The following BAIAP2 variants were observed in gnomAD, a reference collection of about 807,000 sequenced individuals.
The protein encoded by BAIAP2 is BAR/IMD domain-containing adapter protein 2.
BAIAP2 carries 18 observed loss-of-function variants against 63.0 expected under a neutral mutation model. The observed-to-expected ratio is 0.29, with a 90% confidence interval of 0.20 to 0.42. BAIAP2 has a LOEUF of 0.42. BAIAP2 is among the 10% of genes least tolerant of loss of function. The probability of loss-of-function intolerance (pLI) is 1.00; values close to 1 mark genes in which losing one functional copy is unlikely to be tolerated. For synonymous variants in BAIAP2, 386 were observed against 307.6 expected (o/e 1.25, Z -2.67); for missense variants, 610 against 734.3 (o/e 0.83, Z 1.96).
At chr17:81,091,465 T>C (rs1368614978) in intron 6 of BAIAP2, among the ~76,000 whole-genome samples, 1 of 152,022 alleles carries the variant, frequency 6.6e-6, no homozygotes, top group Non-Finnish European at 1.5e-5. Context: ...AGAGTATAGT[T>C]CACGGTGCCC....
chr17:81,065,471 A>C (rs2051301044), intron 3 of BAIAP2, among the ~76,000 whole-genome samples: 1 of 152,140 alleles, frequency 6.6e-6, no homozygotes, highest in Non-Finnish European at 1.5e-5. Flanking sequence ...GCAGGTGCTC[A>C]CCATGCCGCT....
At chr17:81,067,047 C>T (rs930252081) in intron 3 of BAIAP2, among the ~76,000 whole-genome samples, 1 of 152,246 alleles carries the variant, frequency 6.6e-6, no homozygotes, top group Non-Finnish European at 1.5e-5. Flanking sequence ...TGGTCCCGGA[C>T]CTCCAGCACA....
chr17:81,047,483 GCACA>G (rs1172425519), intron 1 of BAIAP2, among the ~76,000 whole-genome samples: 2 of 152,238 alleles, frequency 1.3e-5, no homozygotes, highest in Non-Finnish European at 2.9e-5. Context: ...GACACATGTA[GCACA>G]CACACAGGTC....
chr17:81,051,655 G>A (rs568028333), intron 1 of BAIAP2, among the ~76,000 whole-genome samples: 1 of 152,206 alleles, frequency 6.6e-6, no homozygotes, highest in East Asian at 1.9e-4. Flanking sequence ...GCCTCCCAAA[G>A]CGTTGGGATT....
chr17:81,094,045 G>A (rs1460325996), intron 6 of BAIAP2, among the ~76,000 whole-genome samples: 1 of 151,926 alleles, frequency 6.6e-6, no homozygotes, highest in African/African-American at 2.4e-5. Context: ...GAGCCACGGA[G>A]CCCTCTCAGG....
intron 3 of BAIAP2, among the ~76,000 whole-genome samples, chr17:81,068,539 C>T (rs563652741): frequency 6.6e-5 from 10 of 152,334 alleles, no homozygotes; most frequent in South Asian, 6.2e-4. Flanking sequence ...TCCCTGACCC[C>T]AGGATCAGTG....
rs150871577 is a variant in BAIAP2, at chr17:81,116,778, T to C, written c.*939T>C. Reference sequence around the variant, plus strand: ...TTAGGTGAAATACAGTGTGGTGAGCTGCACTGGTGACAACAGCCCTTACCT... The same window carrying C: ...TTAGGTGAAATACAGTGTGGTGAGCCGCACTGGTGACAACAGCCCTTACCT... On this transcript the variant is annotated 3_prime_UTR_variant, in exon 14 of 14. Transcript: ENST00000428708. 8 of 168,612 alleles carry C rather than the reference T, an allele frequency of 4.7e-5. No homozygotes were observed. Among genetic ancestry groups the C allele is most frequent in the Admixed American group, 1.1e-4 (2 of 17,816 alleles). The allele number at this position is 168,612 out of a possible 1,614,324, so 10.4% of individuals were successfully genotyped here. A position where few individuals can be genotyped will look rare whatever the true frequency, so the allele number is the denominator to read the frequency against.
intron 3 of BAIAP2, among the ~76,000 whole-genome samples, chr17:81,079,550 A>T (rs183417259): frequency 2.6e-5 from 4 of 151,466 alleles, no homozygotes; most frequent in African/African-American, 9.7e-5. Context: ...CAGCATCCCT[A>T]GGCAGCCCTG....
intron 3 of BAIAP2, among the ~76,000 whole-genome samples, chr17:81,065,821 T>C (rs1028030517): frequency 6.6e-6 from 1 of 152,182 alleles, no homozygotes; most frequent in African/African-American, 2.4e-5. Flanking sequence ...GAACCGTCTG[T>C]ATGAAAAGAG....
At chr17:81,076,871 T>C (rs1228002090) in intron 3 of BAIAP2, among the ~76,000 whole-genome samples, 7 of 152,234 alleles carry the variant, frequency 4.6e-5, no homozygotes, top group African/African-American at 1.7e-4. Context: ...CTCGAGAGGC[T>C]GGGGCCGGAG....
At chr17:81,066,140 T>C (rs568847052) in intron 3 of BAIAP2, among the ~76,000 whole-genome samples, 140 of 152,352 alleles carry the variant, frequency 9.2e-4, no homozygotes, top group African/African-American at 3.0e-3. Context: ...TGGAGGCCTC[T>C]GGTGTGTTTT....
At chr17:81,092,841 A>AG (rs1449884849) in intron 6 of BAIAP2, among the ~76,000 whole-genome samples, 2 of 152,146 alleles carry the variant, frequency 1.3e-5, no homozygotes, top group African/African-American at 2.4e-5. Flanking sequence ...ATGCTGGGGC[A>AG]GGGGACACCT....
intron 2 of BAIAP2, among the ~76,000 whole-genome samples, chr17:81,054,099 CAA>C (rs2049086619): frequency 2.3e-5 from 1 of 44,216 alleles, no homozygotes; most frequent in Admixed American, 2.3e-4. Flanking sequence ...GCCCTGGCCC[CAA>C]GGGTGGGAGC....
intron 6 of BAIAP2, among the ~76,000 whole-genome samples, chr17:81,088,180 C>T (rs752184795): frequency 6.6e-6 from 1 of 152,108 alleles, no homozygotes; most frequent in Non-Finnish European, 1.5e-5. Flanking sequence ...CAGGTCAGGA[C>T]AGTGCAGGTG....
intron 3 of BAIAP2, among the ~76,000 whole-genome samples, chr17:81,078,885 C>T (rs2054147012): frequency 6.6e-6 from 1 of 152,046 alleles, no homozygotes; most frequent in Non-Finnish European, 1.5e-5. Flanking sequence ...AGCCCCGAGT[C>T]ACCTTTGAGC....
rs1568182317 is a variant in BAIAP2, at chr17:81,105,164, CCCAAT to C, written c.1268+450_1268+454del. ...TCTTTCCCCACGGCAGGGGTCTCCC[CCCAAT>C]GGCAGGGGTCTCCCCCCAATGGCTC... is the stretch of plus-strand genomic sequence containing the variant. On this transcript the variant is annotated intron_variant, in intron 10 of 13. Coordinates refer to ENST00000428708, the MANE Select transcript of BAIAP2 (RefSeq NM_001144888.2). 3.9e-5 allele frequency: 4 copies of C among 101,896 alleles called. No individual in the cohort carries two copies. The East Asian group carries it at 8.8e-4, about 22-fold the overall frequency. The allele number at this position is 101,896 out of a possible 1,614,324, so 6.3% of individuals were successfully genotyped here.
chr17:81,087,597 T>TC (rs2145372414), intron 6 of BAIAP2: 1 of 152,250 alleles, frequency 6.6e-6, no homozygotes, highest in Admixed American at 6.5e-5. Flanking sequence ...TGGAGCTGGA[T>TC]CGGCCCCAAA....
intron 11 of BAIAP2, among the ~76,000 whole-genome samples, chr17:81,106,526 C>T (rs967558582): frequency 1.8e-4 from 27 of 152,210 alleles, no homozygotes; most frequent in Admixed American, 7.8e-4. Context: ...GCAGCCCAGC[C>T]CCTCTGGAGT....
intron 1 of BAIAP2, among the ~76,000 whole-genome samples, chr17:81,038,583 C>T (rs531801188): frequency 3.3e-5 from 5 of 152,350 alleles, no homozygotes; most frequent in South Asian, 4.1e-4. Flanking sequence ...CTGGCGGGGC[C>T]GCAGCCGTGC....
Sources: gnomAD v4.1 joint callset for allele counts (sites outside exome capture counted in the v4.1 genomes callset) on GRCh38, gnomAD v4.1.1 for gene constraint, MANE v1.5 for transcripts, NCBI Gene and HGNC (gene_info 2026-07-23, HGNC 2026-07-21) for gene names.